TENM2: variants seen among roughly 807,000 people sequenced by gnomAD.
TENM2 encodes teneurin transmembrane protein 2.
In TENM2, 52 loss-of-function variants were observed where a neutral mutation model predicts 245.2. The ratio of observed to expected loss-of-function variants is 0.21; its 90% CI spans 0.17 to 0.27. The LOEUF is 0.27. TENM2 is among the 10% of genes least tolerant of loss of function. The probability of loss-of-function intolerance (pLI) is 1.00; values close to 1 mark genes in which losing one functional copy is unlikely to be tolerated. For missense variants in TENM2, 3,046 were observed against 3,666.8 expected, an observed-to-expected ratio of 0.83 and a Z score of 4.37; for synonymous variants, 1,363 against 1,438.9, an observed-to-expected ratio of 0.95 and a Z score of 1.19.
chr5:167,449,597 C>A (rs1765452924), intron 2 of TENM2, among the ~76,000 whole-genome samples: 1 of 151,986 alleles, frequency 6.6e-6, no homozygotes, highest in Non-Finnish European at 1.5e-5. Context: ...TAATTGTAGT[C>A]TTTTATAGTT....
At chr5:167,851,731 T>C (rs1770597589) in intron 2 of TENM2, among the ~76,000 whole-genome samples, 1 of 152,168 alleles carries the variant, frequency 6.6e-6, no homozygotes, top group Non-Finnish European at 1.5e-5. Flanking sequence ...CCGCCAGAGA[T>C]TCCCGCAGCT....
At chr5:167,021,561 TTATC>T in the TENM2 span, among the ~76,000 whole-genome samples, 2 of 152,242 alleles carry the variant, frequency 1.3e-5, no homozygotes, top group Non-Finnish European at 2.9e-5. Flanking sequence ...AGTATTGTTT[TTATC>T]TATGCATGTC....
upstream of TENM2, among the ~76,000 whole-genome samples, chr5:167,283,210 A>T (rs1561834635): frequency 2.0e-5 from 3 of 148,782 alleles, no homozygotes. Context: ...GGCCCAGCGA[A>T]TTTTTTTTTT....
At chr5:167,974,047 AAGGG>A (rs1782060876) in intron 4 of TENM2, among the ~76,000 whole-genome samples, 1 of 53,018 alleles carries the variant, frequency 1.9e-5, no homozygotes, top group Non-Finnish European at 3.1e-5. Context: ...AGAAGGAAGG[AAGGG>A]AGGAAAGGAG....
At chr5:167,574,885 T>C (rs34774377) in intron 2 of TENM2, among the ~76,000 whole-genome samples, 11,192 of 152,222 alleles carry the variant, frequency 0.074, 594 homozygotes, top group Non-Finnish European at 0.11. Context: ...TGGATTATAT[T>C]TGATGGCATG....
chr5:168,197,687 G>A (rs540135053), intron 15 of TENM2, among the ~76,000 whole-genome samples: 5 of 136,292 alleles, frequency 3.7e-5, no homozygotes, highest in African/African-American at 1.5e-4. Context: ...GCCCCAGAGC[G>A]AGACTCCATC....
intron 2 of TENM2, among the ~76,000 whole-genome samples, chr5:167,500,989 C>T (rs1167275276): frequency 6.6e-6 from 1 of 152,106 alleles, no homozygotes; most frequent in Admixed American, 6.6e-5. Context: ...ATTTGAGACT[C>T]CTTTAGTGTG....
intron 2 of TENM2, among the ~76,000 whole-genome samples, chr5:167,558,390 T>C (rs538048404): frequency 1.3e-5 from 2 of 152,282 alleles, no homozygotes; most frequent in South Asian, 2.1e-4. Flanking sequence ...TGAGGCCAAA[T>C]TGAAAGTATA....
the TENM2 span, among the ~76,000 whole-genome samples, chr5:167,133,916 C>G: frequency 2.0e-5 from 3 of 151,944 alleles, no homozygotes; most frequent in African/African-American, 7.2e-5. Flanking sequence ...CAAATTTGAA[C>G]TAAAGTCTTT....
intron 1 of TENM2, among the ~76,000 whole-genome samples, chr5:167,333,290 GA>G (rs1372250962): frequency 6.6e-6 from 1 of 152,120 alleles, no homozygotes; most frequent in Non-Finnish European, 1.5e-5. Context: ...CTTTCTGTGA[GA>G]CCCCTACAAC....
chr5:167,317,559 T>C (rs1756444173), intron 1 of TENM2, among the ~76,000 whole-genome samples: 1 of 152,190 alleles, frequency 6.6e-6, no homozygotes, highest in South Asian at 2.1e-4. Flanking sequence ...ACGGAAATTT[T>C]CCACATCTCC....
At chr5:167,905,432 G>A (rs1260644991) in intron 3 of TENM2, among the ~76,000 whole-genome samples, 2 of 152,210 alleles carry the variant, frequency 1.3e-5, no homozygotes, top group Non-Finnish European at 2.9e-5. Context: ...GTTCATACCA[G>A]CTCGTAACAG....
chr5:168,027,825 G>A (rs906780840), intron 5 of TENM2, among the ~76,000 whole-genome samples: 1 of 152,162 alleles, frequency 6.6e-6, no homozygotes, highest in Non-Finnish European at 1.5e-5. Flanking sequence ...CCCCTGTGTG[G>A]AATGTTCCAG....
chr5:168,155,050 G>A (rs1757030443), intron 12 of TENM2, among the ~76,000 whole-genome samples: 1 of 152,192 alleles, frequency 6.6e-6, no homozygotes, highest in East Asian at 1.9e-4. Flanking sequence ...CAAGCAAGAG[G>A]GACAATCCCT....
chr5:168,254,481 G>GGAGGAA (rs1180114181), intron 27 of TENM2, among the ~76,000 whole-genome samples: 22 of 150,022 alleles, frequency 1.5e-4, no homozygotes, highest in African/African-American at 5.4e-4. Flanking sequence ...AGGAAGAAGG[G>GGAGGAA]GAGGAAGAGG....
intron 2 of TENM2, among the ~76,000 whole-genome samples, chr5:167,606,235 A>G (rs1396430024): frequency 6.6e-6 from 1 of 152,198 alleles, no homozygotes; most frequent in Non-Finnish European, 1.5e-5. Flanking sequence ...CTGCTATAAC[A>G]AAAGATCATA....
chr5:167,307,293 CTG>C (rs1484695413), intron 1 of TENM2, among the ~76,000 whole-genome samples: 3 of 152,136 alleles, frequency 2.0e-5, no homozygotes, highest in African/African-American at 7.2e-5. Flanking sequence ...CGATTTTTGA[CTG>C]TTTATCTCTA....
At chr5:167,221,103 C>T in the TENM2 span, among the ~76,000 whole-genome samples, 5 of 152,130 alleles carry the variant, frequency 3.3e-5, no homozygotes, top group Non-Finnish European at 7.3e-5. Flanking sequence ...GCTGGGATTA[C>T]AGGCATGAAC....
intron 6 of TENM2, among the ~76,000 whole-genome samples, chr5:168,060,853 G>A (rs1007623054): frequency 2.6e-5 from 4 of 152,126 alleles, no homozygotes; most frequent in African/African-American, 7.2e-5. Context: ...AGACAGGCTC[G>A]CTCACCGTTT....
Sources: allele counts gnomAD v4.1 joint callset (sites outside exome capture counted in the v4.1 genomes callset), GRCh38; gene constraint gnomAD v4.1.1; transcripts MANE v1.5; gene names NCBI Gene and HGNC (gene_info 2026-07-23, HGNC 2026-07-21).